Variants in RPUSD1 observed in about 807,000 individuals in gnomAD.
RPUSD1 encodes the protein pseudouridylate synthase RPUSD1.
Under a neutral mutation model 22.4 loss-of-function variants are expected in RPUSD1, and 28 were observed. That is an observed-to-expected ratio of 1.25 (90% confidence interval 0.93 to 1.72). The LOEUF is 1.72. Ranked by LOEUF, RPUSD1 falls within the 40% of genes most tolerant of loss-of-function variation. RPUSD1 has a pLI of 0.00. For missense variants in RPUSD1, 596 were observed against 442.2 expected (o/e 1.35, Z -3.12); for synonymous variants, 298 against 201.0 (o/e 1.48, Z -4.08).
chr16:785,096 G>A lies in RPUSD1; in HGVS notation c.*854C>T, dbSNP rs926305202. The A allele has an allele frequency of 1.3e-5, 2 of 152,346 alleles. No individual in the cohort carries two copies. The highest frequency in any genetic ancestry group is 3.8e-4 in the East Asian group (2 of 5,208). 9.4% of individuals were successfully genotyped at this position (152,346 alleles called of 1,614,324 possible). On this transcript the variant is annotated 3_prime_UTR_variant, in exon 6 of 6. Transcript: ENST00000007264. ...CTGGCAGACCCACAGCTCCCAAGCT[G>A]GGGTCCCGGAGGCAGAGTGACAATG...
intron 3 of RPUSD1, 23 bp from the exon 4 acceptor site, chr16:787,202 C>T (rs375716964): frequency 8.2e-6 from 13 of 1,585,518 alleles, no homozygotes; most frequent in Middle Eastern, 3.4e-4. Context: ...GAGAATCGCA[C>T]GCAGTTCACG....
At position 787,361 on chromosome 16, in the gene RPUSD1, A is replaced by ATTT. The variant is rs772832285; in HGVS notation, c.298_299insAAA (p.Leu100delinsGlnMet). 5.0e-6 allele frequency: 8 copies of ATTT among 1,585,210 alleles called. No homozygotes were observed. The highest frequency in any genetic ancestry group is 6.9e-6 in the Non-Finnish European group (8 of 1,166,548). ...GGACTGACCAGGTCTTACCAATGCC[A>ATTT]GGTAAGCCTTGGTCACGCGCCGCTC... is the stretch of plus-strand genomic sequence containing the variant. On this transcript the variant is annotated protein_altering_variant, in exon 3 of 6. Coordinates refer to ENST00000007264, the MANE Select transcript of RPUSD1 (RefSeq NM_058192.3).
Position 787,550 on chromosome 16 carries a change from C to A in RPUSD1, c.182+6G>T. 6.2e-7 allele frequency: 1 copy of A among 1,609,666 alleles called. No individual in the cohort carries two copies. On this transcript the variant is annotated splice_donor_region_variant and intron_variant, in intron 2 of 5. Coordinates refer to ENST00000007264, the MANE Select transcript of RPUSD1 (RefSeq NM_058192.3). Reference sequence around the variant, plus strand: ...GCCACCGTGGGGCTCCGGCCGCCCCCCCTACCTGAACCCGTAGCAGGTGTC... The same window carrying A: ...GCCACCGTGGGGCTCCGGCCGCCCCACCTACCTGAACCCGTAGCAGGTGTC...
rs966110279 is a variant in RPUSD1, at chr16:786,991, C to T, written c.410-63G>A. ...GACCCGGGGCCCAGGCCCACCCCAA[C>T]GCACGATGCCCGCCCGGTGGGTCCC... On this transcript the variant is annotated intron_variant, in intron 4 of 5. Coordinates refer to ENST00000007264, the MANE Select transcript of RPUSD1 (RefSeq NM_058192.3). 2.2e-5 allele frequency: 34 copies of T among 1,566,578 alleles called. 1 individual carries two copies. Among genetic ancestry groups the T allele is most frequent in the Middle Eastern group, 1.7e-4 (1 of 5,976 alleles).
chr16:787,280 C>A, intron 3 of RPUSD1, 74 bp downstream of exon 3: 1 of 1,548,240 alleles, frequency 6.5e-7, no homozygotes. Flanking sequence ...GTGGGAGGCT[C>A]TGAGCCAGGG....
chr16:788,125 G>A (rs1179494623), intron 1 of RPUSD1, 131 bp downstream of exon 1: 1 of 462,698 alleles, frequency 2.2e-6, no homozygotes, highest in South Asian at 1.6e-5. Context: ...AGGTCTGCCC[G>A]CAGCGCGGGT....
chr16:786,004 C>T lies in RPUSD1; in HGVS notation c.885G>A (p.Gln295=), dbSNP rs1381920195. ...PPTKPPETEA[Q]RGPCLQWLSE... ...ACAGCCACTGCAGGCAGGGGCCCCG[C>T]TGTGCCTCAGTCTCAGGGGGCTTGG... The change falls in exon 6 of 6, where the codon CAG becomes CAA. Residue 295 remains glutamine, a synonymous_variant. Coordinates refer to ENST00000007264, the MANE Select transcript of RPUSD1 (RefSeq NM_058192.3). The T allele has an allele frequency of 6.8e-7, 1 of 1,469,312 alleles. No individual in the cohort carries two copies. Among genetic ancestry groups the T allele is most frequent in the Non-Finnish European group, 9.0e-7 (1 of 1,114,840 alleles). The allele number at this position is 1,469,312 out of a possible 1,614,324, so 91.0% of individuals were successfully genotyped here. A position where few individuals can be genotyped will look rare whatever the true frequency, so the allele number is the denominator to read the frequency against.
intron 5 of RPUSD1, 70 bp downstream of exon 5, chr16:786,757 A>G (rs774032147): frequency 7.6e-7 from 1 of 1,311,570 alleles, no homozygotes; most frequent in Non-Finnish European, 1.1e-6. Context: ...GTGGCCCAAC[A>G]TAAGCTTCGT....
rs530099239 is a variant in RPUSD1 at position 785,648 on chromosome 16, C to T, written c.*302G>A. The stretch of plus-strand genomic sequence containing the variant: ...CGCCCCTGGGGTGACGCTTGAGAGC[C>T]GGAAGCTGTTCCAGGAGGAGGGAGG... On this transcript the variant is annotated 3_prime_UTR_variant, in exon 6 of 6. Transcript: ENST00000007264. 2.6e-5 allele frequency: 9 copies of T among 348,670 alleles called. No homozygotes were observed. The highest frequency in any genetic ancestry group is 1.4e-4 in the South Asian group (1 of 7,328). The allele number at this position is 348,670 out of a possible 1,614,324, so 21.6% of individuals were successfully genotyped here.
At chr16:787,894 C>A in intron 1 of RPUSD1, 150 bp from the exon 2 acceptor site, 1 of 715,186 alleles carries the variant, frequency 1.4e-6, no homozygotes, top group Non-Finnish European at 2.3e-6. Flanking sequence ...ATCCTCAGTC[C>A]CCGAGATCAG....
chr16:788,049 C>T, intron 1 of RPUSD1: 1 of 523,928 alleles, frequency 1.9e-6, no homozygotes, highest in Non-Finnish European at 3.5e-6. Context: ...CCAGGGGATG[C>T]ACGTGAATGC....
chr16:787,544 C>A lies in RPUSD1; in HGVS notation c.182+12G>T, dbSNP rs766304687. On this transcript the variant is annotated intron_variant, in intron 2 of 5. Transcript: ENST00000007264. Reference sequence around the variant, plus strand: ...ACAGACGCCACCGTGGGGCTCCGGCCGCCCCCCCTACCTGAACCCGTAGCA... The same window carrying A: ...ACAGACGCCACCGTGGGGCTCCGGCAGCCCCCCCTACCTGAACCCGTAGCA... 1.0e-5 allele frequency: 16 copies of A among 1,607,878 alleles called. No individual in the cohort carries two copies. The highest frequency in any genetic ancestry group is 1.4e-5 in the Non-Finnish European group (16 of 1,178,424).
rs748089957 is a variant in RPUSD1, at chr16:786,613, T to C, written c.511+214A>G. On this transcript the variant is annotated intron_variant, in intron 5 of 5. Coordinates refer to ENST00000007264, the MANE Select transcript of RPUSD1 (RefSeq NM_058192.3). ...GGGTGGTGCTCGGTCCTGGAGAATCTAGGCCAGCCAGACCCCCAAGGAATC... is the reference window on the plus strand; with the variant it reads ...GGGTGGTGCTCGGTCCTGGAGAATCCAGGCCAGCCAGACCCCCAAGGAATC... 5 of 735,296 alleles carry C rather than the reference T, an allele frequency of 6.8e-6. No homozygotes were observed. In the East Asian group the frequency reaches 1.3e-4, roughly 20 times the overall value. The allele number at this position is 735,296 out of a possible 1,614,324, so 45.5% of individuals were successfully genotyped here.
At chr16:787,780 A>C in intron 1 of RPUSD1, 36 bp from the exon 2 acceptor site, 1 of 1,591,700 alleles carries the variant, frequency 6.3e-7, no homozygotes, top group Non-Finnish European at 8.5e-7. Context: ...TGCTGTGAGC[A>C]CGTGGTGCGC....
intron 5 of RPUSD1, 190 bp downstream of exon 5, chr16:786,637 T>C (rs1463171920): frequency 2.7e-6 from 2 of 735,640 alleles, no homozygotes; most frequent in African/African-American, 3.5e-5. Context: ...CCCCAAGGAA[T>C]CAGTCAGGAG....
Position 787,460 on chromosome 16 carries a change from T to C in RPUSD1, c.200A>G (p.Asp67Gly). ...GCACAGCGCCCCGCTGGTGGAGAAA[T>C]CCAGCTGGTGGCAGAACCTGGAGTG... Reference protein sequence around the residue: ...CYGFRFCHQLDFSTSGALCVA... With the variant: ...CYGFRFCHQLGFSTSGALCVA... Residue 67 changes from aspartate to glycine, a missense_variant, in exon 3 of 6, where the codon GAT (aspartate) becomes GGT (glycine). Asp to Gly is a moderately conservative substitution (Grantham distance 94). Transcript: ENST00000007264. 6.3e-7 allele frequency: 1 copy of C among 1,585,444 alleles called. No individual in the cohort carries two copies.
rs769959633 is a variant in RPUSD1 at position 786,099 on chromosome 16, C to G, written c.790G>C (p.Asp264His). 6 of 1,583,152 alleles carry G rather than the reference C, an allele frequency of 3.8e-6. No individual in the cohort carries two copies. The South Asian group carries it at 4.5e-5, about 12-fold the overall frequency. Reference protein sequence around the residue: ...LRATPDPDPEDRGPRPGSPSA... With the variant: ...LRATPDPDPEHRGPRPGSPSA... The stretch of plus-strand genomic sequence containing the variant: ...GGGCTGCCTGGCCTGGGGCCCCTAT[C>G]CTCGGGGTCAGGGTCGGGGGTGGCC... Residue 264 changes from aspartate (D) to histidine (H), a missense_variant, in exon 6 of 6, where the codon GAT (aspartate) becomes CAT (histidine). Asp to His is a moderately conservative substitution (Grantham distance 81). Coordinates refer to ENST00000007264, the MANE Select transcript of RPUSD1 (RefSeq NM_058192.3).
At position 788,346 on chromosome 16, in the gene RPUSD1, G is replaced by T; in HGVS notation, c.-98C>A. 1 of 200,184 alleles carries T rather than the reference G, an allele frequency of 5.0e-6. No individual in the cohort carries two copies. Among genetic ancestry groups the T allele is most frequent in the Admixed American group, 6.5e-5 (1 of 15,400 alleles). 12.4% of individuals were successfully genotyped at this position (200,184 alleles called of 1,614,324 possible). ...CGCGCGCTGGCGACCCAGAGACCCT[G>T]GAAGCTCCGCTCCGGACGCCTGGCA... is the stretch of plus-strand genomic sequence containing the variant. On this transcript the variant is annotated 5_prime_UTR_variant, in exon 1 of 6. Coordinates refer to ENST00000007264, the MANE Select transcript of RPUSD1 (RefSeq NM_058192.3).
rs750822759 is a variant in RPUSD1, at chr16:786,879, G to A, written c.459C>T (p.His153=). The A allele has an allele frequency of 7.4e-5, 119 of 1,613,230 alleles. No homozygotes were observed. The East Asian group carries it at 8.0e-4, about 11-fold the overall frequency. The change falls in exon 5 of 6, where the codon CAC becomes CAT. Residue 153 remains histidine, a synonymous_variant. Transcript: ENST00000007264. ...PSLTDLVVLE[H]GLYAGDPVSK... is the part of the protein sequence containing the mutation. ...AGACAGGATCGCCTGCGTACAGCCC[G>A]TGTTCCAGAACCACGAGATCTGTGA...
Sources: gnomAD v4.1 joint callset for allele counts on GRCh38, gnomAD v4.1.1 for gene constraint, MANE v1.5 for transcripts, NCBI Gene and HGNC (gene_info 2026-07-23, HGNC 2026-07-21) for gene names.